The following IGSF3 variants were observed in gnomAD, a reference collection of about 807,000 sequenced individuals.
The protein encoded by IGSF3 is immunoglobulin superfamily member 3, also known as glu-Trp-Ile EWI motif-containing protein 3.
Under a neutral mutation model 114.4 loss-of-function variants are expected in IGSF3, and 23 were observed. That is an observed-to-expected ratio of 0.20 (90% CI 0.14 to 0.28). IGSF3 has a LOEUF of 0.28. Among genes scored for constraint, IGSF3 ranks in the 10% least tolerant of loss-of-function variants. The pLI is 1.00. For synonymous variants in IGSF3, 571 were observed against 645.2 expected (o/e 0.88, Z 1.74); for missense variants, 1,172 against 1,591.5 (o/e 0.74, Z 4.48).
At position 116,633,237 on chromosome 1, in the gene IGSF3, C is replaced by T. The variant is rs12723984; in HGVS notation, c.44-16780G>A. 6.6e-6 allele frequency among the ~76,000 whole-genome samples: 1 copy of T among 152,176 alleles called. No individual in the cohort carries two copies. Among genetic ancestry groups the T allele is most frequent in the Non-Finnish European group, 1.5e-5 (1 of 68,038 alleles). On this transcript the variant is annotated intron_variant, in intron 2 of 10. Transcript: ENST00000369486. The surrounding 1 kb of genome is among the most constrained non-coding windows in gnomAD (Gnocchi z 4.3). ...GGGTTCAACCATTCCCACCCACTGC[C>T]GGATCAAGCACTTCCCACCTCCTGC...
intron 2 of IGSF3, among the ~76,000 whole-genome samples, chr1:116,637,682 T>G (rs1557880864): frequency 6.6e-6 from 1 of 152,214 alleles, no homozygotes; most frequent in South Asian, 2.1e-4. Flanking sequence ...TCCTACACTT[T>G]GCAGCTGGAT....
At chr1:116,617,585 G>T (rs4044824) in intron 2 of IGSF3, among the ~76,000 whole-genome samples, 1 of 152,212 alleles carries the variant, frequency 6.6e-6, no homozygotes, top group Non-Finnish European at 1.5e-5. Flanking sequence ...TCCGATGCTG[G>T]CTTTGTCACT....
chr1:116,641,548 GAAA>G (rs1251070193), intron 2 of IGSF3, among the ~76,000 whole-genome samples: 1 of 78,448 alleles, frequency 1.3e-5, no homozygotes, highest in Non-Finnish European at 2.7e-5. Flanking sequence ...AAGAAAGAAA[GAAA>G]AAGAAAGAAG....
At chr1:116,621,612 T>C (rs1319531812) in intron 2 of IGSF3, among the ~76,000 whole-genome samples, 2 of 152,200 alleles carry the variant, frequency 1.3e-5, no homozygotes, top group African/African-American at 4.8e-5. Context: ...GGGCTTTTTT[T>C]TTTACATCAA....
intron 9 of IGSF3, among the ~76,000 whole-genome samples, chr1:116,580,301 A>G (rs1659545986): frequency 6.6e-6 from 1 of 152,230 alleles, no homozygotes; most frequent in Admixed American, 6.5e-5. Context: ...TTATTTGGAA[A>G]TAGCAACTTT....
Position 116,642,490 on chromosome 1 carries a change from A to C in IGSF3, c.43+23794T>G, listed in dbSNP as rs2101056632. ...TCGGTCAGGGCTCCCAGAATGTAAA[A>C]GATACACATGAAAGAAACAAACAGT... On this transcript the variant is annotated intron_variant, in intron 2 of 10. Coordinates refer to ENST00000369486, the MANE Select transcript of IGSF3 (RefSeq NM_001007237.3). This position sits in a 1 kb window ranked among gnomAD's most constrained non-coding sequence, Gnocchi z 5.4. Among the ~76,000 whole-genome samples the C allele has an allele frequency of 6.6e-6, 1 of 152,328 alleles. No homozygotes were observed. The highest frequency in any genetic ancestry group is 2.1e-4 in the South Asian group (1 of 4,826).
rs796494251 is a variant in IGSF3, at chr1:116,585,163, A to G, written c.2441-111T>C. 15 of 759,962 alleles carry G rather than the reference A, an allele frequency of 2.0e-5. No individual in the cohort carries two copies. In the African/African-American group the frequency reaches 2.6e-4, roughly 13 times the overall value. The allele number at this position is 759,962 out of a possible 1,614,324, so 47.1% of individuals were successfully genotyped here. ...CTTCCAAATACAGAAGGACGGCAGCACACACTCCATTAGGAGAAACGTTTC... is the reference window on the plus strand; with the variant it reads ...CTTCCAAATACAGAAGGACGGCAGCGCACACTCCATTAGGAGAAACGTTTC... On this transcript the variant is annotated intron_variant, in intron 8 of 10. Transcript: ENST00000369486. This position sits in a 1 kb window ranked among gnomAD's most constrained non-coding sequence, Gnocchi z 4.9.
chr1:116,660,552 T>A (rs2101085973), intron 2 of IGSF3, among the ~76,000 whole-genome samples: 1 of 142,676 alleles, frequency 7.0e-6, no homozygotes, highest in South Asian at 2.3e-4. Flanking sequence ...TGGCGCAATC[T>A]CAGCTCATGG....
Position 116,629,772 on chromosome 1 carries a change from C to T in IGSF3, c.44-13315G>A, listed in dbSNP as rs1385636973. 6.6e-6 allele frequency among the ~76,000 whole-genome samples: 1 copy of T among 152,184 alleles called. No individual in the cohort carries two copies. The highest frequency in any genetic ancestry group is 1.5e-5 in the Non-Finnish European group (1 of 68,018). On this transcript the variant is annotated intron_variant, in intron 2 of 10. Coordinates refer to ENST00000369486, the MANE Select transcript of IGSF3 (RefSeq NM_001007237.3). This position sits in a 1 kb window ranked among gnomAD's most constrained non-coding sequence, Gnocchi z 4.3. ...ACAGGTTTGACCTCATTTACTTTTT[C>T]TTAAAGCTGTTTAGCCGCTTTCCTA... is the stretch of plus-strand genomic sequence containing the variant.
Position 116,638,748 on chromosome 1 carries a change from C to T in IGSF3, c.44-22291G>A, listed in dbSNP as rs1647945751. On this transcript the variant is annotated intron_variant, in intron 2 of 10. Coordinates refer to ENST00000369486, the MANE Select transcript of IGSF3 (RefSeq NM_001007237.3). This position sits in a 1 kb window ranked among gnomAD's most constrained non-coding sequence, Gnocchi z 4.1. ...ATGGGGAAAACAGCAATAGGACCAG[C>T]TAACTCCTACAGCAGAGTCTTGCCA... 6.6e-6 allele frequency among the ~76,000 whole-genome samples: 1 copy of T among 152,212 alleles called. No individual in the cohort carries two copies. Among genetic ancestry groups the T allele is most frequent in the African/African-American group, 2.4e-5 (1 of 41,464 alleles).
intron 2 of IGSF3, among the ~76,000 whole-genome samples, chr1:116,659,188 G>T (rs942767321): frequency 1.3e-5 from 2 of 152,020 alleles, no homozygotes; most frequent in African/African-American, 4.8e-5. Flanking sequence ...ATACAGACTG[G>T]GCTGACGACT....
At chr1:116,613,448 A>G (rs1661098224) in intron 4 of IGSF3, among the ~76,000 whole-genome samples, 1 of 152,216 alleles carries the variant, frequency 6.6e-6, no homozygotes, top group African/African-American at 2.4e-5. Context: ...TAAGATACAA[A>G]TGGTTTCTCA....
rs1553209141 is a variant in IGSF3, at chr1:116,579,687, C to CT, written c.3038_3039insA (p.Glu1014GlyfsTer146). The CT allele has an allele frequency of 6.2e-7, 1 of 1,613,642 alleles. No homozygotes were observed. The highest frequency in any genetic ancestry group is 8.5e-7 in the Non-Finnish European group (1 of 1,179,892). ...CGTCGTCCTCCTCCTCCTCCTCCTC[C>CT]CTTTCCTCTTCCTGTTCTTCCAGGC... is the stretch of plus-strand genomic sequence containing the variant. On this transcript the variant is annotated frameshift_variant, in exon 10 of 11. Coordinates refer to ENST00000369486, the MANE Select transcript of IGSF3 (RefSeq NM_001007237.3). LOFTEE classifies it high-confidence loss of function. This position sits in a 1 kb window ranked among gnomAD's most constrained non-coding sequence, Gnocchi z 6.4.
intron 2 of IGSF3, among the ~76,000 whole-genome samples, chr1:116,631,511 G>A (rs1448564225): frequency 6.6e-6 from 1 of 152,114 alleles, no homozygotes; most frequent in East Asian, 1.9e-4. Flanking sequence ...GAGCTGCTGA[G>A]GACCCCAACC....
intron 2 of IGSF3, among the ~76,000 whole-genome samples, chr1:116,658,868 A>C (rs531329742): frequency 4.7e-4 from 71 of 152,228 alleles, no homozygotes; most frequent in African/African-American, 1.7e-3. Context: ...GTCCATTTGC[A>C]AATTGATTGA....
In IGSF3 at chr1:116,636,637, G is replaced by A. The variant is rs1281592168; in HGVS notation, c.44-20180C>T. ...CTAGCCCTTCTACACCAGGAGCGAGGCCTGAAAAGCTGCATGACTCACCCA... is the reference window on the plus strand; with the variant it reads ...CTAGCCCTTCTACACCAGGAGCGAGACCTGAAAAGCTGCATGACTCACCCA... On this transcript the variant is annotated intron_variant, in intron 2 of 10. Coordinates refer to ENST00000369486, the MANE Select transcript of IGSF3 (RefSeq NM_001007237.3). The surrounding 1 kb of genome is among the most constrained non-coding windows in gnomAD (Gnocchi z 4.5). 3.3e-5 allele frequency among the ~76,000 whole-genome samples: 5 copies of A among 152,204 alleles called. No individual in the cohort carries two copies. In the East Asian group the frequency reaches 9.7e-4, roughly 29 times the overall value.
chr1:116,611,704 T>G (rs1323133975), intron 4 of IGSF3, among the ~76,000 whole-genome samples: 1 of 152,088 alleles, frequency 6.6e-6, no homozygotes, highest in East Asian at 1.9e-4. Context: ...CTTATTGGTG[T>G]TCCTGGATTT....
In IGSF3 at chr1:116,655,265, A is replaced by G. The variant is rs1015293087; in HGVS notation, c.43+11019T>C. On this transcript the variant is annotated intron_variant, in intron 2 of 10. Coordinates refer to ENST00000369486, the MANE Select transcript of IGSF3 (RefSeq NM_001007237.3). This position sits in a 1 kb window ranked among gnomAD's most constrained non-coding sequence, Gnocchi z 4.3. Reference sequence around the variant, plus strand: ...AAGCCTTCTTAGGAAAAGTATTAGAAGTAGATTCTACTAGAACAGGGGCTA... The same window carrying G: ...AAGCCTTCTTAGGAAAAGTATTAGAGGTAGATTCTACTAGAACAGGGGCTA... Among the ~76,000 whole-genome samples the G allele has an allele frequency of 1.3e-5, 2 of 152,336 alleles. No homozygotes were observed. Among genetic ancestry groups the G allele is most frequent in the African/African-American group, 4.8e-5 (2 of 41,570 alleles).
At chr1:116,609,611 G>A (rs1660934629) in intron 4 of IGSF3, among the ~76,000 whole-genome samples, 1 of 152,118 alleles carries the variant, frequency 6.6e-6, no homozygotes, top group Admixed American at 6.5e-5. Flanking sequence ...CCCAGTTCTA[G>A]CTCTGTTCCT....
Sources: gnomAD v4.1 joint callset for allele counts (sites outside exome capture counted in the v4.1 genomes callset) on GRCh38, gnomAD v4.1.1 for gene constraint, Gnocchi (gnomAD v3.1) non-coding constraint, MANE v1.5 for transcripts, NCBI Gene and HGNC (gene_info 2026-07-23, HGNC 2026-07-21) for gene names.